Variants in NREP observed in about 807,000 individuals in gnomAD.
NREP encodes the protein neuronal regeneration-related protein.
A neutral mutation model predicts 8.6 loss-of-function variants in NREP; 5 were observed. The ratio of observed to expected loss-of-function variants is 0.58; its 90% CI spans 0.30 to 1.22. NREP has a LOEUF of 1.22. Among genes scored for constraint, NREP ranks in the 50% most tolerant of loss-of-function variants. NREP has a pLI of 0.07. For missense variants in NREP, 86 were observed against 82.5 expected, an observed-to-expected ratio of 1.04 and a Z score of -0.17; for synonymous variants, 27 against 28.0, an observed-to-expected ratio of 0.96 and a Z score of 0.11.
intron 2 of NREP, among the ~76,000 whole-genome samples, chr5:111,875,609 A>T (rs1753888116): frequency 6.6e-6 from 1 of 152,222 alleles, no homozygotes; most frequent in Admixed American, 6.5e-5. Context: ...TTATAGATAA[A>T]ACAGTATTAC....
At chr5:111,728,955 A>T (rs1378665731), downstream of NREP, 3 of 152,184 alleles carry the variant, frequency 2.0e-5, no homozygotes, top group Non-Finnish European at 4.4e-5. Flanking sequence ...AAAGAATACC[A>T]CAGAGTGGGT....
chr5:111,853,829 T>C (rs1232300893), intron 2 of NREP, among the ~76,000 whole-genome samples: 1 of 152,156 alleles, frequency 6.6e-6, no homozygotes, highest in African/African-American at 2.4e-5. Context: ...CTTATAAGTG[T>C]GTCCCTCTCT....
chr5:111,892,643 T>C (rs488291), intron 2 of NREP, among the ~76,000 whole-genome samples: 150,304 of 152,250 alleles, frequency 0.99, 74,225 homozygotes, highest in East Asian at 1. Context: ...AAAAAGGGAG[T>C]GAATGCCTGA....
At chr5:111,768,484 CTTAAAG>C (rs1447802699) in intron 2 of NREP, among the ~76,000 whole-genome samples, 1 of 152,122 alleles carries the variant, frequency 6.6e-6, no homozygotes, top group African/African-American at 2.4e-5. Context: ...AGCACAGTAC[CTTAAAG>C]TTAGTTTTTC....
intron 2 of NREP, among the ~76,000 whole-genome samples, chr5:111,746,499 A>G (rs1230872093): frequency 6.6e-6 from 1 of 152,138 alleles, no homozygotes; most frequent in Non-Finnish European, 1.5e-5. Context: ...AAGGACTAAA[A>G]TTGTGAAGAT....
intron 2 of NREP, among the ~76,000 whole-genome samples, chr5:111,773,811 G>C (rs1751292400): frequency 6.6e-6 from 1 of 152,052 alleles, no homozygotes; most frequent in African/African-American, 2.4e-5. Context: ...GTCCAAATTT[G>C]GTTCTGGCAC....
At chr5:111,780,786 T>C (rs1751475190) in intron 2 of NREP, among the ~76,000 whole-genome samples, 1 of 152,168 alleles carries the variant, frequency 6.6e-6, no homozygotes, top group Non-Finnish European at 1.5e-5. Flanking sequence ...AATTTCTACA[T>C]TGCAAAGAAG....
chr5:111,858,058 A>C (rs1411136146), intron 2 of NREP, among the ~76,000 whole-genome samples: 1 of 152,120 alleles, frequency 6.6e-6, no homozygotes. Flanking sequence ...AAAATGAGAA[A>C]ATGACAGGGA....
At chr5:111,755,718 G>A in intron 2 of NREP, 52 bp downstream of exon 2, 2 of 1,594,526 alleles carry the variant, frequency 1.3e-6, no homozygotes, top group Non-Finnish European at 1.7e-6. Flanking sequence ...ATATTTATAT[G>A]TAACAGACTG....
At chr5:111,845,404 C>G (rs996562753) in intron 2 of NREP, among the ~76,000 whole-genome samples, 1 of 151,948 alleles carries the variant, frequency 6.6e-6, no homozygotes, top group African/African-American at 2.4e-5. Context: ...GGGATGAGCC[C>G]TGGCAACTCC....
intron 2 of NREP, among the ~76,000 whole-genome samples, chr5:111,947,832 C>T (rs1419697637): frequency 6.6e-6 from 1 of 152,138 alleles, no homozygotes; most frequent in East Asian, 1.9e-4. Flanking sequence ...TTATCTTGTA[C>T]ATTAGAAAGT....
At chr5:111,776,987 G>GAAT (rs1751376010) in intron 2 of NREP, among the ~76,000 whole-genome samples, 1 of 33,724 alleles carries the variant, frequency 3.0e-5, no homozygotes, top group African/African-American at 6.7e-5. Context: ...ATAAGAAAAA[G>GAAT]GATGAGGAGG....
intron 2 of NREP, among the ~76,000 whole-genome samples, chr5:111,854,173 A>G (rs904145598): frequency 2.0e-5 from 3 of 152,196 alleles, no homozygotes; most frequent in African/African-American, 7.2e-5. Flanking sequence ...AGTTTCAAAT[A>G]TAGAAACACT....
chr5:111,770,928 T>G (rs898495140), intron 2 of NREP, among the ~76,000 whole-genome samples: 5 of 152,164 alleles, frequency 3.3e-5, no homozygotes, highest in African/African-American at 1.2e-4. Flanking sequence ...CCAGCTTAAT[T>G]TGAATGAGTT....
intron 2 of NREP, among the ~76,000 whole-genome samples, chr5:111,896,790 A>G (rs1374540643): frequency 1.3e-5 from 2 of 152,176 alleles, no homozygotes; most frequent in African/African-American, 4.8e-5. Context: ...TCTTTACAAG[A>G]TCTCCTGAAA....
intron 2 of NREP, among the ~76,000 whole-genome samples, chr5:111,816,085 T>C (rs1752378932): frequency 6.6e-6 from 1 of 152,178 alleles, no homozygotes; most frequent in Non-Finnish European, 1.5e-5. Flanking sequence ...TGCTGAGAAC[T>C]AAACGCTAAT....
At chr5:111,772,355 T>C (rs1441165476) in intron 2 of NREP, among the ~76,000 whole-genome samples, 1 of 152,220 alleles carries the variant, frequency 6.6e-6, no homozygotes, top group Non-Finnish European at 1.5e-5. Context: ...GAAATACAAT[T>C]CATTTGTTAT....
chr5:111,905,007 T>C (rs1754745152), intron 2 of NREP, among the ~76,000 whole-genome samples: 1 of 152,054 alleles, frequency 6.6e-6, no homozygotes, highest in East Asian at 1.9e-4. Flanking sequence ...TATCTCTCTC[T>C]CTCTCTCCAT....
chr5:111,799,932 T>A (rs1380373109), intron 2 of NREP, among the ~76,000 whole-genome samples: 1 of 152,130 alleles, frequency 6.6e-6, no homozygotes, highest in African/African-American at 2.4e-5. Flanking sequence ...TAATTTTTGT[T>A]TTTTTGAGAT....
Sources: gnomAD v4.1 joint callset for allele counts (sites outside exome capture counted in the v4.1 genomes callset) on GRCh38, gnomAD v4.1.1 for gene constraint, MANE v1.5 for transcripts, NCBI Gene and HGNC (gene_info 2026-07-23, HGNC 2026-07-21) for gene names.